Variants in CDC5L observed in about 807,000 individuals in gnomAD.
CDC5L encodes the protein cell division cycle 5-like protein.
In CDC5L, 18 loss-of-function variants were observed where a neutral mutation model predicts 104.1. The ratio of observed to expected loss-of-function variants is 0.17; its 90% confidence interval spans 0.12 to 0.26. CDC5L has a LOEUF of 0.26. Among genes scored for constraint, CDC5L ranks in the 10% least tolerant of loss-of-function variants. The probability of loss-of-function intolerance (pLI) is 1.00; values close to 1 mark genes in which losing one functional copy is unlikely to be tolerated. For synonymous variants in CDC5L, 331 were observed against 322.7 expected, an observed-to-expected ratio of 1.03 and a Z score of -0.28; for missense variants, 673 against 956.9, an observed-to-expected ratio of 0.70 and a Z score of 3.91.
In CDC5L at chr6:44,426,455, G is replaced by A. The variant is rs755522358; in HGVS notation, c.1651-27G>A. On this transcript the variant is annotated intron_variant, in intron 12 of 15. Coordinates refer to ENST00000371477, the MANE Select transcript of CDC5L (RefSeq NM_001253.4). ...TTAATATATTATAGTGATATGTTTG[G>A]TAATTGTATTTGTTTTAAAATTTTA... 7.3e-6 allele frequency: 9 copies of A among 1,226,462 alleles called. No individual in the cohort carries two copies. The Admixed American group carries it at 7.4e-5, about 10-fold the overall frequency. The allele number at this position is 1,226,462 out of a possible 1,614,324, so 76.0% of individuals were successfully genotyped here. A position where few individuals can be genotyped will look rare whatever the true frequency, so the allele number is the denominator to read the frequency against.
chr6:44,422,540 C>T (rs892417144), intron 9 of CDC5L, 107 bp from the exon 10 acceptor site: 10 of 724,546 alleles, frequency 1.4e-5, no homozygotes, highest in East Asian at 1.2e-4. Flanking sequence ...AATCTTTATT[C>T]TTTTTTTTTT....
intron 14 of CDC5L, among the ~76,000 whole-genome samples, chr6:44,437,735 A>G (rs1793000631): frequency 6.6e-6 from 1 of 152,250 alleles, no homozygotes; most frequent in Non-Finnish European, 1.5e-5. Flanking sequence ...GTTTCTGAGT[A>G]TAGGTATTAT....
rs1790723483 is a variant in CDC5L at position 44,393,652 on chromosome 6, A to T, written c.439+79A>T. On this transcript the variant is annotated intron_variant, in intron 4 of 15. Coordinates refer to ENST00000371477, the MANE Select transcript of CDC5L (RefSeq NM_001253.4). ...CCTCACTCTTTTAGTTCCTTTCTGA[A>T]CTCCTCTACTTTAGAATCCCTTTTT... The T allele has an allele frequency of 3.6e-6, 5 of 1,397,830 alleles. No individual in the cohort carries two copies. The Admixed American group carries it at 6.7e-5, about 19-fold the overall frequency. The allele number at this position is 1,397,830 out of a possible 1,614,324, so 86.6% of individuals were successfully genotyped here.
At chr6:44,412,781 CTTTTTTTTT>C (rs397950082) in intron 8 of CDC5L, among the ~76,000 whole-genome samples, 2 of 106,590 alleles carry the variant, frequency 1.9e-5, no homozygotes, top group African/African-American at 3.8e-5. Context: ...AGAATAATTT[CTTTTTTTTT>C]TTTTTTTTTT....
Position 44,408,504 on chromosome 6 carries a change from C to T in CDC5L, c.964C>T (p.Gln322Ter). Reference sequence around the variant, plus strand: ...AGGCCAAGCGAGTGAAATTGCACGTCAAACTGCCGAGGAATCTGGCATAAC... The same window carrying T: ...AGGCCAAGCGAGTGAAATTGCACGTTAAACTGCCGAGGAATCTGGCATAAC... Reference protein sequence around the residue: ...KVGQASEIARQTAEESGITNS... With the variant: ...KVGQASEIAR The change falls in exon 8 of 16, where the codon CAA becomes TAA. Residue 322 changes from glutamine to a stop codon, truncating the protein, a stop_gained. Coordinates refer to ENST00000371477, the MANE Select transcript of CDC5L (RefSeq NM_001253.4). LOFTEE classifies it high-confidence loss of function. 6.2e-7 allele frequency: 1 copy of T among 1,613,996 alleles called. No individual in the cohort carries two copies. Among genetic ancestry groups the T allele is most frequent in the Non-Finnish European group, 8.5e-7 (1 of 1,179,888 alleles).
chr6:44,418,521 A>G, intron 8 of CDC5L, among the ~76,000 whole-genome samples: 1 of 152,182 alleles, frequency 6.6e-6, no homozygotes. Flanking sequence ...CAGTAATGGG[A>G]TGGCTGGGTC....
Position 44,426,133 on chromosome 6 carries a change from A to G in CDC5L, c.1600A>G (p.Met534Val). The change falls in exon 12 of 16, where the codon ATG becomes GTG. Residue 534 changes from methionine (M) to valine (V), a missense_variant. Coordinates refer to ENST00000371477, the MANE Select transcript of CDC5L (RefSeq NM_001253.4). ...AIRDAERVKE[M>V]KRMHKAVQKD... Reference sequence around the variant, plus strand: ...ACGAGATGCAGAGCGTGTAAAGGAAATGAAACGAATGCATAAAGCTGTCCA... The same window carrying G: ...ACGAGATGCAGAGCGTGTAAAGGAAGTGAAACGAATGCATAAAGCTGTCCA... The G allele has an allele frequency of 6.2e-7, 1 of 1,609,460 alleles. No individual in the cohort carries two copies. The highest frequency in any genetic ancestry group is 8.5e-7 in the Non-Finnish European group (1 of 1,177,566).
At position 44,446,815 on chromosome 6, in the gene CDC5L, G is replaced by A; in HGVS notation, c.*104G>A. The A allele has an allele frequency of 1.7e-6, 1 of 601,404 alleles. No homozygotes were observed. Among genetic ancestry groups the A allele is most frequent in the South Asian group, 2.3e-5 (1 of 42,644 alleles). 37.3% of individuals were successfully genotyped at this position (601,404 alleles called of 1,614,324 possible). A position where few individuals can be genotyped will look rare whatever the true frequency, so the allele number is the denominator to read the frequency against. On this transcript the variant is annotated 3_prime_UTR_variant, in exon 16 of 16. Transcript: ENST00000371477. ...TCATTGACAAATTTACCCACCATCT[G>A]TGGTTTTTCAGTTGTTTATTTTAAA...
intron 14 of CDC5L, among the ~76,000 whole-genome samples, chr6:44,440,594 T>G (rs994260071): frequency 6.6e-6 from 1 of 152,008 alleles, no homozygotes; most frequent in Non-Finnish European, 1.5e-5. Flanking sequence ...CATATGTTTA[T>G]GGAGTAAGAT....
chr6:44,426,914 C>T (rs1490577838), intron 13 of CDC5L, among the ~76,000 whole-genome samples, 190 bp downstream of exon 13: 1 of 152,132 alleles, frequency 6.6e-6, no homozygotes, highest in African/African-American at 2.4e-5. Context: ...CCCCCGTGTT[C>T]AGTGTGATAG....
chr6:44,438,573 C>T (rs1220129753), intron 14 of CDC5L, among the ~76,000 whole-genome samples: 3 of 151,936 alleles, frequency 2.0e-5, no homozygotes, highest in Non-Finnish European at 4.4e-5. Context: ...AAAAGACATA[C>T]TCCAGAAATA....
Position 44,392,828 on chromosome 6 carries a change from TGTAA to T in CDC5L, c.311+3_311+6del, listed in dbSNP as rs745922000. 9.9e-6 allele frequency: 16 copies of T among 1,612,416 alleles called. No homozygotes were observed. The Admixed American group carries it at 2.2e-4, about 22-fold the overall frequency. ...TGCTTAGAACACTATGAATTTCTTC[TGTAA>T]GTGAGTCTTCAGAAAGAGCATAGAA... On this transcript the variant is annotated splice_donor_variant and splice_donor_region_variant and intron_variant, in intron 3 of 15. Coordinates refer to ENST00000371477, the MANE Select transcript of CDC5L (RefSeq NM_001253.4). LOFTEE classifies it high-confidence loss of function.
At chr6:44,412,598 AAT>A (rs1791696035) in intron 8 of CDC5L, among the ~76,000 whole-genome samples, 5 of 86,004 alleles carry the variant, frequency 5.8e-5, no homozygotes, top group Non-Finnish European at 6.6e-5. Context: ...AATTAAAAAA[AAT>A]AGTTTTTTTT....
At chr6:44,404,359 C>G (rs1791266854) in intron 6 of CDC5L, among the ~76,000 whole-genome samples, 1 of 151,818 alleles carries the variant, frequency 6.6e-6, no homozygotes, top group African/African-American at 2.4e-5. Flanking sequence ...GTTGTGCAGA[C>G]TGGTCTCAAA....
chr6:44,419,994 T>C (rs1423682014), intron 9 of CDC5L, among the ~76,000 whole-genome samples: 5 of 152,216 alleles, frequency 3.3e-5, no homozygotes, highest in African/African-American at 1.2e-4. Flanking sequence ...TTGAATACTT[T>C]GTATTTGATT....
At chr6:44,388,116 ATT>A (rs1437416867) in intron 1 of CDC5L, among the ~76,000 whole-genome samples, 1 of 145,882 alleles carries the variant, frequency 6.9e-6, no homozygotes, top group Admixed American at 6.9e-5. Flanking sequence ...CTGAGTGAAC[ATT>A]TGTTGACTTG....
chr6:44,403,579 A>G (rs1791230880), intron 5 of CDC5L, among the ~76,000 whole-genome samples: 2 of 152,200 alleles, frequency 1.3e-5, no homozygotes, highest in African/African-American at 4.8e-5. Context: ...CAGAGATAAG[A>G]TATGTATTTA....
chr6:44,448,122 T>G lies in CDC5L; in HGVS notation c.*1411T>G, dbSNP rs1793518344. 6.6e-6 allele frequency: 1 copy of G among 151,802 alleles called. No homozygotes were observed. Among genetic ancestry groups the G allele is most frequent in the African/African-American group, 2.4e-5 (1 of 41,262 alleles). The allele number at this position is 151,802 out of a possible 1,614,324, so 9.4% of individuals were successfully genotyped here. On this transcript the variant is annotated 3_prime_UTR_variant, in exon 16 of 16. Coordinates refer to ENST00000371477, the MANE Select transcript of CDC5L (RefSeq NM_001253.4). ...AAGAAGTAACATTTAAGATAACATG[T>G]GATTGACATTTTAGAATGGGCTATC... is the stretch of plus-strand genomic sequence containing the variant.
chr6:44,432,226 G>T (rs1315297759), intron 14 of CDC5L, among the ~76,000 whole-genome samples: 1 of 152,102 alleles, frequency 6.6e-6, no homozygotes, highest in Non-Finnish European at 1.5e-5. Context: ...TATTTCAATT[G>T]TGGTAATTCT....
Sources: gnomAD v4.1 joint callset for allele counts (sites outside exome capture counted in the v4.1 genomes callset) on GRCh38, gnomAD v4.1.1 for gene constraint, MANE v1.5 for transcripts, NCBI Gene and HGNC (gene_info 2026-07-23, HGNC 2026-07-21) for gene names.